The following ROBO1 variants were observed in gnomAD, a reference collection of about 807,000 sequenced individuals.
ROBO1 encodes the protein roundabout guidance receptor 1, also known as roundabout homolog 1.
In ROBO1, 149 loss-of-function variants were observed where a neutral mutation model predicts 195.9. The ratio of observed to expected loss-of-function variants is 0.76; its 90% CI spans 0.67 to 0.87. The LOEUF (loss-of-function observed/expected upper bound fraction) is 0.87, where lower values mean the gene tolerates loss of function less well. ROBO1 is among the 40% of genes least tolerant of loss of function. The pLI, the probability that ROBO1 is intolerant of heterozygous loss-of-function variation, is 0.00. For synonymous variants in ROBO1, 816 were observed against 733.2 expected, an observed-to-expected ratio of 1.11 and a Z score of -1.82; for missense variants, 1,933 against 2,068.3, an observed-to-expected ratio of 0.93 and a Z score of 1.27.
At chr3:79,280,776 G>A in intron 2 of ROBO1, among the ~76,000 whole-genome samples, 1 of 152,230 alleles carries the variant, frequency 6.6e-6, no homozygotes, top group Admixed American at 6.5e-5. Flanking sequence ...TCAAGCATTC[G>A]ATTCTCATAA....
At chr3:79,071,401 T>G (rs1372100926) in intron 3 of ROBO1, among the ~76,000 whole-genome samples, 1 of 151,864 alleles carries the variant, frequency 6.6e-6, no homozygotes, top group Admixed American at 6.6e-5. Context: ...TGGTAATTTC[T>G]TTCTCTTTAA....
chr3:78,730,922 C>T lies in ROBO1; in HGVS notation c.658-13039G>A, dbSNP rs888808830. On this transcript the variant is annotated intron_variant, in intron 5 of 30. Coordinates refer to ENST00000464233, the MANE Select transcript of ROBO1 (RefSeq NM_002941.4). Reference sequence around the variant, plus strand: ...CCTTAGAAAGACAGGTCTGACCTAGCGCTTAAAAAGGAGCTTTCTGGTGGG... The same window carrying T: ...CCTTAGAAAGACAGGTCTGACCTAGTGCTTAAAAAGGAGCTTTCTGGTGGG... 6.6e-5 allele frequency among the ~76,000 whole-genome samples: 10 copies of T among 152,186 alleles called. No homozygotes were observed. In the South Asian group the frequency reaches 1.2e-3, roughly 19 times the overall value.
intron 1 of ROBO1, among the ~76,000 whole-genome samples, chr3:79,684,481 T>C (rs1427498750): frequency 1.3e-5 from 2 of 152,164 alleles, no homozygotes. Flanking sequence ...GTGGTTTCCT[T>C]TTAGTTCTTT....
chr3:79,199,990 T>C (rs988757542), intron 2 of ROBO1, among the ~76,000 whole-genome samples: 1 of 151,564 alleles, frequency 6.6e-6, no homozygotes, highest in Non-Finnish European at 1.5e-5. Context: ...AAGGGAAGAA[T>C]AGAGTAAAAA....
At chr3:78,679,951 C>A (rs1414124226) in intron 10 of ROBO1, among the ~76,000 whole-genome samples, 1 of 152,050 alleles carries the variant, frequency 6.6e-6, no homozygotes, top group Non-Finnish European at 1.5e-5. Flanking sequence ...GCTACAGTAA[C>A]CAAAACAGCA....
chr3:79,060,070 T>C (rs1470632099), intron 3 of ROBO1, among the ~76,000 whole-genome samples: 1 of 151,946 alleles, frequency 6.6e-6, no homozygotes, highest in Non-Finnish European at 1.5e-5. Flanking sequence ...TCTAAAATGG[T>C]CGCTCTGAGA....
chr3:79,669,847 G>A (rs1292128815), intron 1 of ROBO1, among the ~76,000 whole-genome samples: 2 of 151,808 alleles, frequency 1.3e-5, no homozygotes, highest in African/African-American at 4.8e-5. Flanking sequence ...CTAAAAGAAG[G>A]TTTTTAAGTT....
intron 4 of ROBO1, among the ~76,000 whole-genome samples, chr3:78,817,750 T>C (rs1269095914): frequency 6.6e-6 from 1 of 152,134 alleles, no homozygotes; most frequent in Non-Finnish European, 1.5e-5. Flanking sequence ...TCCTAAAAAA[T>C]AGAGCTAGTT....
chr3:79,413,087 A>AAT (rs562169003), intron 2 of ROBO1, among the ~76,000 whole-genome samples: 12 of 151,362 alleles, frequency 7.9e-5, no homozygotes, highest in Middle Eastern at 3.4e-3. Context: ...ATAGAACAAT[A>AAT]ATATATATAT....
intron 2 of ROBO1, among the ~76,000 whole-genome samples, chr3:79,392,280 G>A (rs1180790950): frequency 1.3e-5 from 2 of 152,170 alleles, no homozygotes; most frequent in African/African-American, 4.8e-5. Flanking sequence ...CTCCTCAGTC[G>A]AGAAAACATT....
chr3:78,962,109 G>A (rs1290452425), intron 3 of ROBO1, among the ~76,000 whole-genome samples: 2 of 152,096 alleles, frequency 1.3e-5, no homozygotes, highest in African/African-American at 4.8e-5. Context: ...CTTGATCAAA[G>A]TTGACAACAA....
chr3:79,476,127 C>A (rs1380174645), intron 2 of ROBO1, among the ~76,000 whole-genome samples: 1 of 151,862 alleles, frequency 6.6e-6, no homozygotes, highest in Admixed American at 6.6e-5. Flanking sequence ...TACAAACGGC[C>A]AATAAACATA....
In ROBO1 at chr3:78,714,445, C is replaced by A; in HGVS notation, c.997G>T (p.Glu333Ter). Residue 333 changes from glutamate to a stop codon, truncating the protein, a stop_gained, in exon 8 of 31, where the codon GAA (glutamate) becomes TAA (stop). Coordinates refer to ENST00000464233, the MANE Select transcript of ROBO1 (RefSeq NM_002941.4). LOFTEE classifies it high-confidence loss of function. ...GCTTCAGCTTTGCCCACCATATTTT[C>A]TGCAACACAAGTGTATGAACCCATG... ...GDMGSYTCVA[E>*]NMVGKAEASA... 1 of 1,613,468 alleles carries A rather than the reference C, an allele frequency of 6.2e-7. No individual in the cohort carries two copies. Among genetic ancestry groups the A allele is most frequent in the Non-Finnish European group, 8.5e-7 (1 of 1,179,596 alleles).
chr3:79,467,458 CA>C (rs1238126379), intron 2 of ROBO1, among the ~76,000 whole-genome samples: 1 of 151,194 alleles, frequency 6.6e-6, no homozygotes, highest in East Asian at 2.0e-4. Context: ...CACCAGGCTC[CA>C]CGAGCAGACA....
At chr3:78,995,593 C>T (rs1260051965) in intron 3 of ROBO1, among the ~76,000 whole-genome samples, 1 of 151,852 alleles carries the variant, frequency 6.6e-6, no homozygotes, top group Non-Finnish European at 1.5e-5. Context: ...TCTTAATTCA[C>T]GTTTATGTTC....
intron 2 of ROBO1, among the ~76,000 whole-genome samples, chr3:79,348,128 T>C (rs2109252640): frequency 6.6e-6 from 1 of 151,354 alleles, no homozygotes; most frequent in African/African-American, 2.4e-5. Context: ...GGCAGATTGC[T>C]TGAACCCAGG....
intron 1 of ROBO1, among the ~76,000 whole-genome samples, chr3:79,741,813 G>A (rs189865221): frequency 8.9e-4 from 135 of 152,278 alleles, no homozygotes; most frequent in African/African-American, 3.1e-3. Flanking sequence ...TCCAGGCTGA[G>A]GAGGACTCAG....
At chr3:79,235,558 G>C (rs539731506) in intron 2 of ROBO1, among the ~76,000 whole-genome samples, 99 of 152,168 alleles carry the variant, frequency 6.5e-4, no homozygotes, top group African/African-American at 2.3e-3. Context: ...GTCAATGTTG[G>C]ATCTTTTACT....
chr3:79,697,907 T>C (rs955174050), intron 1 of ROBO1, among the ~76,000 whole-genome samples: 3 of 151,500 alleles, frequency 2.0e-5, no homozygotes, highest in African/African-American at 7.2e-5. Context: ...TAAACATACA[T>C]ACATTCCATT....
Sources: gnomAD v4.1 joint callset for allele counts (sites outside exome capture counted in the v4.1 genomes callset) on GRCh38, gnomAD v4.1.1 for gene constraint, MANE v1.5 for transcripts, NCBI Gene and HGNC (gene_info 2026-07-23, HGNC 2026-07-21) for gene names.